The following GABRG3 variants were observed in gnomAD, a reference collection of about 807,000 sequenced individuals.
GABRG3 encodes gamma-aminobutyric acid receptor subunit gamma-3.
In GABRG3, 25 loss-of-function variants were observed where a neutral mutation model predicts 48.8. That is an observed-to-expected ratio of 0.51 (90% CI 0.37 to 0.72). GABRG3 has a LOEUF of 0.72. GABRG3 is among the 30% of genes least tolerant of loss of function. The probability of loss-of-function intolerance (pLI) is 0.00; values close to 1 mark genes in which losing one functional copy is unlikely to be tolerated. For synonymous variants in GABRG3, 227 were observed against 217.6 expected, an observed-to-expected ratio of 1.04 and a Z score of -0.38; for missense variants, 394 against 577.9, an observed-to-expected ratio of 0.68 and a Z score of 3.26.
At chr15:27,295,580 G>A (rs918468088) in intron 3 of GABRG3, among the ~76,000 whole-genome samples, 1 of 152,172 alleles carries the variant, frequency 6.6e-6, no homozygotes, top group East Asian at 1.9e-4. Context: ...GGGTAGCCAG[G>A]CAGTTAGGGC....
intron 5 of GABRG3, among the ~76,000 whole-genome samples, chr15:27,421,009 C>A (rs1006562374): frequency 6.6e-6 from 1 of 152,152 alleles, no homozygotes; most frequent in East Asian, 1.9e-4. Context: ...AAAAGAAACT[C>A]TTAAATTTTG....
At chr15:27,337,406 A>G (rs1474008084) in intron 5 of GABRG3, among the ~76,000 whole-genome samples, 3 of 152,238 alleles carry the variant, frequency 2.0e-5, no homozygotes, top group Non-Finnish European at 4.4e-5. Flanking sequence ...TATGCAATCA[A>G]TATGAAAAAT....
chr15:27,014,764 T>C (rs1895747399), intron 2 of GABRG3, among the ~76,000 whole-genome samples: 2 of 152,198 alleles, frequency 1.3e-5, no homozygotes, highest in South Asian at 4.1e-4. Context: ...TGGAGTGTTC[T>C]GAATATGTCT....
chr15:27,211,099 A>G (rs1426781845), intron 3 of GABRG3, among the ~76,000 whole-genome samples: 1 of 152,166 alleles, frequency 6.6e-6, no homozygotes, highest in Non-Finnish European at 1.5e-5. Context: ...AAAGGAATGA[A>G]CCAATGAGGA....
chr15:27,524,289 T>C (rs2150863713), intron 7 of GABRG3, among the ~76,000 whole-genome samples: 1 of 152,088 alleles, frequency 6.6e-6, no homozygotes, highest in Non-Finnish European at 1.5e-5. Flanking sequence ...AGAGTATCAT[T>C]TAAGAATAAA....
intron 3 of GABRG3, among the ~76,000 whole-genome samples, chr15:27,316,383 G>A (rs371180156): frequency 9.6e-6 from 1 of 103,798 alleles, no homozygotes; most frequent in Non-Finnish European, 1.7e-5. Flanking sequence ...GCGAGACTCC[G>A]TCTCAAAAAA....
intron 3 of GABRG3, among the ~76,000 whole-genome samples, chr15:27,144,971 G>C (rs1898171296): frequency 6.6e-6 from 1 of 152,092 alleles, no homozygotes. Flanking sequence ...GTTCAGAAAA[G>C]CTATTAACAA....
chr15:27,435,172 A>G (rs566745214), intron 5 of GABRG3, among the ~76,000 whole-genome samples: 2 of 150,122 alleles, frequency 1.3e-5, no homozygotes, highest in African/African-American at 4.9e-5. Flanking sequence ...GTGTCCTTTT[A>G]TACTATTTTA....
At chr15:27,504,349 C>T (rs139614391) in intron 6 of GABRG3, among the ~76,000 whole-genome samples, 14 of 151,990 alleles carry the variant, frequency 9.2e-5, no homozygotes, top group Admixed American at 3.9e-4. Context: ...ATTTTATCTT[C>T]GTAGTTACCT....
intron 3 of GABRG3, among the ~76,000 whole-genome samples, chr15:27,038,252 C>T (rs1015384782): frequency 1.3e-5 from 2 of 152,244 alleles, no homozygotes; most frequent in South Asian, 2.1e-4. Flanking sequence ...GCAGGTGCAG[C>T]GTATGGTGAG....
chr15:27,315,685 A>G (rs1013328186), intron 3 of GABRG3, among the ~76,000 whole-genome samples: 2 of 152,228 alleles, frequency 1.3e-5, no homozygotes, highest in Non-Finnish European at 2.9e-5. Context: ...ATACCATATG[A>G]AATCTTGCAC....
intron 3 of GABRG3, among the ~76,000 whole-genome samples, chr15:27,248,815 G>C (rs1189750140): frequency 1.6e-4 from 22 of 137,704 alleles, no homozygotes; most frequent in Admixed American, 8.8e-4. Flanking sequence ...GAGAGAGAGA[G>C]AGAGAGAGAG....
intron 3 of GABRG3, among the ~76,000 whole-genome samples, chr15:27,312,161 G>A (rs532201515): frequency 9.9e-5 from 15 of 152,118 alleles, no homozygotes; most frequent in East Asian, 9.7e-4. Flanking sequence ...TAACTCAGCC[G>A]AAAAATTCAC....
rs573396112 is a variant in GABRG3, at chr15:27,467,332, G to A, written c.575-13318G>A. Among the ~76,000 whole-genome samples, 38 of 152,334 alleles carry A rather than the reference G, an allele frequency of 2.5e-4. No individual in the cohort carries two copies. The East Asian group carries it at 3.1e-3, about 12-fold the overall frequency. On this transcript the variant is annotated intron_variant, in intron 5 of 9. Coordinates refer to ENST00000615808, the MANE Select transcript of GABRG3 (RefSeq NM_033223.5). ...TCACACTGGGGATTAGGACTTCAAC[G>A]TATGAATTTGTGGGGGGGACACAGA...
At chr15:27,055,812 C>G (rs958359537) in intron 3 of GABRG3, among the ~76,000 whole-genome samples, 2 of 151,442 alleles carry the variant, frequency 1.3e-5, no homozygotes, top group Non-Finnish European at 2.9e-5. Context: ...GGTTTGAGAA[C>G]AAAGCAAAAG....
intron 3 of GABRG3, among the ~76,000 whole-genome samples, chr15:27,283,632 G>A (rs150650887): frequency 0.014 from 2,111 of 152,250 alleles, 49 homozygotes; most frequent in African/African-American, 0.048. Context: ...ATCTTGGTAG[G>A]CTATTTTTTC....
chr15:27,451,939 G>T (rs994862047), intron 5 of GABRG3, among the ~76,000 whole-genome samples: 1 of 152,216 alleles, frequency 6.6e-6, no homozygotes, highest in Non-Finnish European at 1.5e-5. Flanking sequence ...CAATACAAAT[G>T]TAGTAAAATG....
At chr15:27,499,543 T>C (rs78912165) in intron 6 of GABRG3, among the ~76,000 whole-genome samples, 5,016 of 152,278 alleles carry the variant, frequency 0.033, 284 homozygotes, top group African/African-American at 0.11. Context: ...AATGGAAATG[T>C]TTATGTCGGA....
intron 5 of GABRG3, among the ~76,000 whole-genome samples, chr15:27,379,526 C>T (rs1895700796): frequency 6.6e-6 from 1 of 152,196 alleles, no homozygotes; most frequent in African/African-American, 2.4e-5. Context: ...GGTCTTCCTT[C>T]CTTCCTGTAG....
Sources: allele counts gnomAD v4.1 joint callset (sites outside exome capture counted in the v4.1 genomes callset), GRCh38; gene constraint gnomAD v4.1.1; transcripts MANE v1.5; gene names NCBI Gene and HGNC (gene_info 2026-07-23, HGNC 2026-07-21).